The following CCM2 variants were observed in gnomAD, a reference collection of about 807,000 sequenced individuals.
CCM2 encodes the protein cerebral cavernous malformations 2 protein.
In CCM2, 25 loss-of-function variants were observed where a neutral mutation model predicts 44.9. The ratio of observed to expected loss-of-function variants is 0.56; its 90% confidence interval spans 0.41 to 0.78. CCM2 has a LOEUF of 0.78. Among genes scored for constraint, CCM2 ranks in the 30% least tolerant of loss-of-function variants. CCM2 has a pLI of 0.00. For synonymous variants in CCM2, 219 were observed against 241.1 expected, an observed-to-expected ratio of 0.91 and a Z score of 0.85; for missense variants, 481 against 580.6, an observed-to-expected ratio of 0.83 and a Z score of 1.76.
At chr7:45,032,374 G>A (rs950254029) in intron 1 of CCM2, among the ~76,000 whole-genome samples, 7 of 152,088 alleles carry the variant, frequency 4.6e-5, no homozygotes, top group Non-Finnish European at 8.8e-5. Flanking sequence ...TATCTTTGGC[G>A]TTCCGGGGTC....
At chr7:45,071,101 C>T (rs980101876) in intron 6 of CCM2, 1 of 152,334 alleles carries the variant, frequency 6.6e-6, no homozygotes, top group Admixed American at 6.5e-5. Flanking sequence ...CCTCGGTGGC[C>T]CAGCGAGATA....
At chr7:45,017,175 C>T (rs918160203) in intron 1 of CCM2, among the ~76,000 whole-genome samples, 2 of 152,220 alleles carry the variant, frequency 1.3e-5, no homozygotes, top group African/African-American at 4.8e-5. Context: ...TATTTCATCA[C>T]CCAGGTACTA....
chr7:45,067,922 C>A (rs570188022), intron 4 of CCM2: 79 of 190,622 alleles, frequency 4.1e-4, no homozygotes, highest in African/African-American at 1.8e-3. Context: ...TCACTTCTGC[C>A]ATCAGGAAAA....
intron 1 of CCM2, among the ~76,000 whole-genome samples, chr7:45,013,605 C>T (rs546283566): frequency 6.6e-6 from 1 of 152,284 alleles, no homozygotes; most frequent in East Asian, 1.9e-4. Context: ...TTTGATCTTG[C>T]TACGTAATTC....
chr7:45,059,996 A>G (rs1368883863), intron 2 of CCM2, among the ~76,000 whole-genome samples: 1 of 152,220 alleles, frequency 6.6e-6, no homozygotes, highest in Non-Finnish European at 1.5e-5. Context: ...AATGTGTTAG[A>G]GCAATTAAAA....
At chr7:45,027,852 C>G in intron 1 of CCM2, 1 of 1,583,962 alleles carries the variant, frequency 6.3e-7, no homozygotes. Context: ...GGTGTGAGTC[C>G]CTTGTGGGTG....
chr7:45,036,303 T>C (rs1164928212), intron 1 of CCM2, among the ~76,000 whole-genome samples: 1 of 152,000 alleles, frequency 6.6e-6, no homozygotes, highest in Non-Finnish European at 1.5e-5. Context: ...AGTGGGTGAA[T>C]GGAATAAAAA....
At chr7:45,008,345 G>A (rs1795929907) in intron 1 of CCM2, among the ~76,000 whole-genome samples, 1 of 148,316 alleles carries the variant, frequency 6.7e-6, no homozygotes, top group Admixed American at 6.8e-5. Flanking sequence ...GCCTGGCCAA[G>A]GGTACATGTT....
At chr7:45,011,519 A>G (rs543997274) in intron 1 of CCM2, among the ~76,000 whole-genome samples, 189 of 150,948 alleles carry the variant, frequency 1.3e-3, no homozygotes, top group Non-Finnish European at 2.3e-3. Context: ...AAAAATTTTT[A>G]TTTTTATGTT....
intron 1 of CCM2, among the ~76,000 whole-genome samples, chr7:45,006,757 T>C (rs1386035903): frequency 6.6e-6 from 1 of 152,150 alleles, no homozygotes; most frequent in African/African-American, 2.4e-5. Context: ...AGAGGAATGA[T>C]CATTGGAGGA....
intron 2 of CCM2, among the ~76,000 whole-genome samples, 167 bp from the exon 3 acceptor site, chr7:45,063,751 A>G (rs1219323029): frequency 6.6e-6 from 1 of 151,578 alleles, no homozygotes; most frequent in Non-Finnish European, 1.5e-5. Flanking sequence ...TTCTGTAAGA[A>G]CCCAGGACTC....
intron 9 of CCM2, among the ~76,000 whole-genome samples, chr7:45,075,082 G>A (rs540116828): frequency 4.6e-5 from 7 of 152,368 alleles, no homozygotes; most frequent in Non-Finnish European, 8.8e-5. Context: ...AGTGGCAAAC[G>A]TGGATTGCCT....
chr7:45,025,112 T>C (rs1165163141), intron 1 of CCM2, among the ~76,000 whole-genome samples: 1 of 152,200 alleles, frequency 6.6e-6, no homozygotes, highest in Non-Finnish European at 1.5e-5. Flanking sequence ...ACAGTAAATA[T>C]TTCAGGCTGT....
chr7:45,010,710 G>A (rs2128713845), intron 1 of CCM2, among the ~76,000 whole-genome samples: 1 of 152,124 alleles, frequency 6.6e-6, no homozygotes, highest in East Asian at 1.9e-4. Flanking sequence ...TGATTCTCCT[G>A]CCTCAGCCTC....
intron 2 of CCM2, among the ~76,000 whole-genome samples, chr7:45,054,549 A>G (rs1422804462): frequency 6.6e-6 from 1 of 152,038 alleles, no homozygotes; most frequent in Non-Finnish European, 1.5e-5. Context: ...GTTTAGAGCC[A>G]ACTCCCCTAC....
Position 45,064,582 on chromosome 7 carries a change from C to G in CCM2, c.408C>G (p.Ile136Met), listed in dbSNP as rs745788686. Reference protein sequence around the residue: ...DGEDIILRVPIHDIAAVSYVR... With the variant: ...DGEDIILRVPMHDIAAVSYVR... ...AGGATATCATCCTCAGGGTGCCCAT[C>G]CATGACATCGCCGCCGTCTCCTATG... Residue 136 changes from isoleucine (I) to methionine (M), a missense_variant, in exon 4 of 10, where the codon ATC becomes ATG. Coordinates refer to ENST00000258781, the MANE Select transcript of CCM2 (RefSeq NM_031443.4). 2 of 1,614,040 alleles carry G rather than the reference C, an allele frequency of 1.2e-6. No individual in the cohort carries two copies. Among genetic ancestry groups the G allele is most frequent in the South Asian group, 2.2e-5 (2 of 91,078 alleles).
At chr7:45,023,967 C>A (rs568762050) in intron 1 of CCM2, among the ~76,000 whole-genome samples, 1 of 151,970 alleles carries the variant, frequency 6.6e-6, no homozygotes, top group Non-Finnish European at 1.5e-5. Context: ...TGTGCCACCA[C>A]GCCCTGCTAA....
intron 1 of CCM2, among the ~76,000 whole-genome samples, chr7:45,036,362 A>G (rs1355614794): frequency 6.6e-6 from 1 of 152,196 alleles, no homozygotes; most frequent in Non-Finnish European, 1.5e-5. Flanking sequence ...GAAGCTGAGG[A>G]GCAGAAAGCT....
At chr7:45,033,509 A>G (rs547122779) in intron 1 of CCM2, among the ~76,000 whole-genome samples, 11 of 152,216 alleles carry the variant, frequency 7.2e-5, no homozygotes, top group Admixed American at 4.6e-4. Flanking sequence ...AAATGGAGCC[A>G]GGCTGCTTGC....
Sources: allele counts gnomAD v4.1 joint callset (sites outside exome capture counted in the v4.1 genomes callset), GRCh38; gene constraint gnomAD v4.1.1; transcripts MANE v1.5; gene names NCBI Gene and HGNC (gene_info 2026-07-23, HGNC 2026-07-21).